The following AK8 variants were observed in gnomAD, a reference collection of about 807,000 sequenced individuals.
AK8 encodes the protein adenylate kinase 8.
Under a neutral mutation model 54.6 loss-of-function variants are expected in AK8, and 44 were observed. That is an observed-to-expected ratio of 0.81 (90% CI 0.63 to 1.04). AK8 has a LOEUF of 1.04. Ranked by LOEUF, AK8 falls within the 50% of genes least tolerant of loss-of-function variation. The pLI, the probability that AK8 is intolerant of heterozygous loss-of-function variation, is 0.00. For synonymous variants in AK8, 239 were observed against 245.6 expected (o/e 0.97, Z 0.25); for missense variants, 555 against 613.6 (o/e 0.90, Z 1.01).
chr9:132,860,386 CA>C lies in AK8; in HGVS notation c.333+3278del, dbSNP rs1286585285. On this transcript the variant is annotated intron_variant, in intron 4 of 12. Transcript: ENST00000298545. The surrounding 1 kb of genome is among the most constrained non-coding windows in gnomAD (Gnocchi z 4.4). The stretch of plus-strand genomic sequence containing the variant: ...GTTGCGGAAATAAATGAAGACCTCC[CA>C]AATGAGACAAGCCAAGGCTGTTTAC... 6.6e-6 allele frequency among the ~76,000 whole-genome samples: 1 copy of C among 152,210 alleles called. No homozygotes were observed. The highest frequency in any genetic ancestry group is 1.5e-5 in the Non-Finnish European group (1 of 68,028).
intron 10 of AK8, among the ~76,000 whole-genome samples, chr9:132,808,648 G>T (rs2131231374): frequency 6.6e-6 from 1 of 152,310 alleles, no homozygotes; most frequent in Middle Eastern, 3.4e-3. Flanking sequence ...GGCTGCACGG[G>T]GAAAAGATGA....
chr9:132,799,647 T>C lies in AK8; in HGVS notation c.980-6872A>G, dbSNP rs1840350077. 1.3e-5 allele frequency among the ~76,000 whole-genome samples: 2 copies of C among 151,716 alleles called. No individual in the cohort carries two copies. ...CCCCACACCCCTACACCCCACCACG[T>C]GCACAACACATACTGTATACCCACC... On this transcript the variant is annotated intron_variant, in intron 10 of 12. Transcript: ENST00000298545. This position sits in a 1 kb window ranked among gnomAD's most constrained non-coding sequence, Gnocchi z 5.0.
chr9:132,870,502 CA>C (rs2131435208), intron 2 of AK8, among the ~76,000 whole-genome samples: 1 of 152,270 alleles, frequency 6.6e-6, no homozygotes, highest in East Asian at 1.9e-4. Context: ...CTTTCTTGGA[CA>C]AACGTTTGAT....
chr9:132,860,088 C>T lies in AK8; in HGVS notation c.333+3577G>A, dbSNP rs983099296. Among the ~76,000 whole-genome samples the T allele has an allele frequency of 2.6e-5, 4 of 152,028 alleles. No homozygotes were observed. Among genetic ancestry groups the T allele is most frequent in the Non-Finnish European group, 5.9e-5 (4 of 68,004 alleles). ...GACAAAATCACTCAGGGGAGCCAGT[C>T]GCCAGCCAATGACCTTGGCTGGTGT... On this transcript the variant is annotated intron_variant, in intron 4 of 12. Transcript: ENST00000298545. The surrounding 1 kb of genome is among the most constrained non-coding windows in gnomAD (Gnocchi z 4.4).
At position 132,845,511 on chromosome 9, in the gene AK8, C is replaced by T. The variant is rs374752982; in HGVS notation, c.402+9346G>A. On this transcript the variant is annotated intron_variant, in intron 5 of 12. Transcript: ENST00000298545. The stretch of plus-strand genomic sequence containing the variant: ...GCATATTTGAAAGACTATTCTAGGC[C>T]GGGTGCAGTGGCTCATGCCTGTAAT... 6.4e-4 allele frequency among the ~76,000 whole-genome samples: 98 copies of T among 152,248 alleles called. 4 individuals are homozygous for T. The South Asian group carries it at 0.018, about 28-fold the overall frequency.
At chr9:132,755,752 T>C (rs1319774358) in intron 11 of AK8, among the ~76,000 whole-genome samples, 3 of 149,334 alleles carry the variant, frequency 2.0e-5, no homozygotes, top group African/African-American at 7.3e-5. Flanking sequence ...GGCCAATGAC[T>C]GGCTCCAACT....
chr9:132,872,936 C>T (rs1211698771), intron 2 of AK8, among the ~76,000 whole-genome samples: 5 of 152,212 alleles, frequency 3.3e-5, no homozygotes, highest in African/African-American at 1.2e-4. Flanking sequence ...CTCAGCCTCC[C>T]CAGTAGCTGG....
At chr9:132,822,426 T>C (rs888497208) in intron 9 of AK8, among the ~76,000 whole-genome samples, 14 of 151,420 alleles carry the variant, frequency 9.2e-5, no homozygotes, top group Non-Finnish European at 2.1e-4. Context: ...ATTCATATGG[T>C]ATGCCTGTAT....
intron 11 of AK8, among the ~76,000 whole-genome samples, chr9:132,732,267 A>G (rs1474078623): frequency 6.6e-6 from 1 of 152,110 alleles, no homozygotes; most frequent in Non-Finnish European, 1.5e-5. Flanking sequence ...GATTTTCAGA[A>G]TTTTAGACAT....
chr9:132,749,124 T>A (rs1468579711), intron 11 of AK8, among the ~76,000 whole-genome samples: 1 of 152,128 alleles, frequency 6.6e-6, no homozygotes, highest in African/African-American at 2.4e-5. Flanking sequence ...TCTGCCCATC[T>A]TGGCCTCCCA....
intron 3 of AK8, among the ~76,000 whole-genome samples, chr9:132,866,620 G>A (rs951040444): frequency 1.3e-5 from 2 of 152,190 alleles, no homozygotes; most frequent in African/African-American, 4.8e-5. Flanking sequence ...AGCGAAGGGT[G>A]AGCAAGGAGA....
chr9:132,820,525 T>C (rs1020477635), intron 9 of AK8, among the ~76,000 whole-genome samples: 3 of 152,232 alleles, frequency 2.0e-5, no homozygotes, highest in Non-Finnish European at 2.9e-5. Flanking sequence ...TGTTTCTCAT[T>C]ATGCTTCTGC....
chr9:132,828,606 G>A (rs1325848593), intron 6 of AK8, 39 bp downstream of exon 6: 1 of 1,580,016 alleles, frequency 6.3e-7, no homozygotes, highest in Non-Finnish European at 8.6e-7. Context: ...CCTTGGGGCT[G>A]CAGCTCTGGC....
At chr9:132,743,765 T>A (rs1837504763) in intron 11 of AK8, among the ~76,000 whole-genome samples, 1 of 152,196 alleles carries the variant, frequency 6.6e-6, no homozygotes, top group Non-Finnish European at 1.5e-5. Flanking sequence ...TGCTATCTTA[T>A]TTAATCCTCG....
At chr9:132,871,049 C>G (rs1843805934) in intron 2 of AK8, among the ~76,000 whole-genome samples, 1 of 152,232 alleles carries the variant, frequency 6.6e-6, no homozygotes, top group African/African-American at 2.4e-5. Context: ...TGTTTGAGAC[C>G]AGCCTGGCCA....
At chr9:132,853,379 A>G (rs1401022593) in intron 5 of AK8, among the ~76,000 whole-genome samples, 3 of 151,284 alleles carry the variant, frequency 2.0e-5, no homozygotes, top group Admixed American at 6.6e-5. Context: ...AAAAGAAAAG[A>G]AAAGGAAAAA....
Position 132,878,091 on chromosome 9 carries a change from G to A in AK8, c.84+81C>T, listed in dbSNP as rs758010681. On this transcript the variant is annotated intron_variant, in intron 1 of 12. Transcript: ENST00000298545. This position sits in a 1 kb window ranked among gnomAD's most constrained non-coding sequence, Gnocchi z 4.7. Reference sequence around the variant, plus strand: ...GGCGCGCGACTCGGCCCCAGCTGCGGGTCCCGGCCGCGCACCCGACGTCGC... The same window carrying A: ...GGCGCGCGACTCGGCCCCAGCTGCGAGTCCCGGCCGCGCACCCGACGTCGC... 8 of 1,536,302 alleles carry A rather than the reference G, an allele frequency of 5.2e-6. No individual in the cohort carries two copies. The South Asian group carries it at 9.5e-5, about 18-fold the overall frequency.
chr9:132,756,323 T>C (rs904333673), intron 11 of AK8, among the ~76,000 whole-genome samples: 3 of 152,234 alleles, frequency 2.0e-5, no homozygotes, highest in African/African-American at 7.2e-5. Context: ...CATTCTGCCT[T>C]CTGCAGTGTC....
chr9:132,779,706 G>T (rs1839379015), intron 11 of AK8, among the ~76,000 whole-genome samples: 1 of 152,174 alleles, frequency 6.6e-6, no homozygotes, highest in South Asian at 2.1e-4. Context: ...AAAGAGTAGA[G>T]ATTATTGTCC....
Sources: allele counts gnomAD v4.1 joint callset (sites outside exome capture counted in the v4.1 genomes callset), GRCh38; gene constraint gnomAD v4.1.1; non-coding constraint Gnocchi (gnomAD v3.1); transcripts MANE v1.5; gene names NCBI Gene and HGNC (gene_info 2026-07-23, HGNC 2026-07-21).